Variants in WHR1 observed in about 807,000 individuals in gnomAD.
WHR1 encodes the protein winged helix repair factor 1.
the WHR1 span, chr6:31,980,251 AG>A: frequency 3.8e-6 from 2 of 532,476 alleles, no homozygotes; most frequent in Admixed American, 6.5e-5. Flanking sequence ...CAGTCCAGGT[AG>A]GGGGCCTGGA....
the WHR1 span, chr6:31,971,865 C>A: frequency 7.0e-7 from 1 of 1,419,398 alleles, no homozygotes; most frequent in Non-Finnish European, 9.4e-7. This position sits in a 1 kb window ranked among gnomAD's most constrained non-coding sequence, Gnocchi z 4.5. Context: ...CACCCTCCCT[C>A]CAGGTCCTCC....
chr6:31,972,036 C>G, the WHR1 span: 1 of 1,611,050 alleles, frequency 6.2e-7, no homozygotes. This position sits in a 1 kb window ranked among gnomAD's most constrained non-coding sequence, Gnocchi z 6.3. Context: ...TGCAATCATT[C>G]AGCGACAGTG....
chr6:31,976,076 C>T, the WHR1 span, among the ~76,000 whole-genome samples: 12 of 138,890 alleles, frequency 8.6e-5, no homozygotes, highest in South Asian at 2.3e-4. Context: ...GGCGGCTGGC[C>T]GGGTGGGGGG....
the WHR1 span, chr6:31,971,611 AGTTT>A: frequency 2.5e-6 from 4 of 1,613,086 alleles, no homozygotes; most frequent in South Asian, 3.3e-5. The surrounding 1 kb of genome is among the most constrained non-coding windows in gnomAD (Gnocchi z 4.5). Flanking sequence ...TGGACGAGGT[AGTTT>A]GTTCCGAGGC....
At chr6:31,979,370 G>C in the WHR1 span, 1 of 1,601,704 alleles carries the variant, frequency 6.2e-7, no homozygotes, top group Non-Finnish European at 8.5e-7. Flanking sequence ...GGTTGGTAGA[G>C]AGTGAGGGTG....
chr6:31,979,366 TAGAG>T, the WHR1 span: 4,630 of 1,609,214 alleles, frequency 2.9e-3, 142 homozygotes, highest in East Asian at 0.072. Flanking sequence ...TGGAGGTTGG[TAGAG>T]AGTGAGGGTG....
the WHR1 span, among the ~76,000 whole-genome samples, chr6:31,976,741 C>T: frequency 2.0e-5 from 3 of 152,254 alleles, no homozygotes; most frequent in Non-Finnish European, 4.4e-5. Context: ...CACTGCACTC[C>T]AGCCTGGGCA....
At chr6:31,979,453 G>A in the WHR1 span, 1 of 1,612,958 alleles carries the variant, frequency 6.2e-7, no homozygotes, top group Non-Finnish European at 8.5e-7. Flanking sequence ...TGCTGGGGCA[G>A]TGCAGAAATT....
chr6:31,977,700 T>C, the WHR1 span, among the ~76,000 whole-genome samples: 1 of 151,592 alleles, frequency 6.6e-6, no homozygotes, highest in Non-Finnish European at 1.5e-5. Context: ...GCCAGGCTGG[T>C]CTTGAACTTG....
At chr6:31,976,160 C>T in the WHR1 span, among the ~76,000 whole-genome samples, 23 of 142,952 alleles carry the variant, frequency 1.6e-4, no homozygotes, top group African/African-American at 6.0e-4. Context: ...CCCTCCCGGA[C>T]AGGGCGGCTG....
At chr6:31,973,568 T>G in the WHR1 span, among the ~76,000 whole-genome samples, 1 of 152,172 alleles carries the variant, frequency 6.6e-6, no homozygotes, top group African/African-American at 2.4e-5. Context: ...TGGCTATCTC[T>G]CTCCAGAAAA....
the WHR1 span, chr6:31,972,473 G>A: frequency 6.2e-7 from 1 of 1,612,982 alleles, no homozygotes; most frequent in East Asian, 2.2e-5. The surrounding 1 kb of genome is among the most constrained non-coding windows in gnomAD (Gnocchi z 6.3). Flanking sequence ...CGGCGGAAGC[G>A]AGGGCCTGTG....
the WHR1 span, among the ~76,000 whole-genome samples, chr6:31,974,306 A>T: frequency 6.7e-6 from 1 of 150,176 alleles, no homozygotes; most frequent in Non-Finnish European, 1.5e-5. Flanking sequence ...AAAGTAACCC[A>T]GGAAGAGGCC....
chr6:31,979,565 G>A, the WHR1 span: 1 of 1,612,272 alleles, frequency 6.2e-7, no homozygotes, highest in African/African-American at 1.3e-5. Flanking sequence ...TGAGACTTGT[G>A]GAACCAACCA....
the WHR1 span, among the ~76,000 whole-genome samples, chr6:31,976,369 G>A: frequency 8.7e-4 from 132 of 151,916 alleles, no homozygotes; most frequent in African/African-American, 3.1e-3. Context: ...TTCTCAGACG[G>A]GGAGGCTGGG....
the WHR1 span, among the ~76,000 whole-genome samples, chr6:31,978,432 T>C: frequency 6.6e-6 from 1 of 152,252 alleles, no homozygotes; most frequent in Non-Finnish European, 1.5e-5. Context: ...CCACTGTACC[T>C]GGTCTTAAAC....
At chr6:31,973,276 G>T in the WHR1 span, 2 of 295,144 alleles carry the variant, frequency 6.8e-6, no homozygotes, top group Non-Finnish European at 1.3e-5. Flanking sequence ...TGACTGCGTG[G>T]CTGGTGGTAT....
the WHR1 span, chr6:31,978,830 T>C: frequency 1.4e-6 from 2 of 1,422,532 alleles, no homozygotes; most frequent in South Asian, 1.2e-5. Flanking sequence ...TCTCCCTGCC[T>C]GAGAGCGCCC....
chr6:31,972,904 G>A, the WHR1 span: 1 of 1,340,286 alleles, frequency 7.5e-7, no homozygotes, highest in Non-Finnish European at 1.0e-6. The surrounding 1 kb of genome is among the most constrained non-coding windows in gnomAD (Gnocchi z 6.3). Flanking sequence ...CAGAGACCCT[G>A]TTAAAAGTCC....
Sources: gnomAD v4.1 joint callset for allele counts (sites outside exome capture counted in the v4.1 genomes callset) on GRCh38, gnomAD v4.1.1 for gene constraint, Gnocchi (gnomAD v3.1) non-coding constraint, MANE v1.5 for transcripts, NCBI Gene and HGNC (gene_info 2026-07-23, HGNC 2026-07-21) for gene names.